Variants in SLC25A26 observed in about 807,000 individuals in gnomAD.
SLC25A26 encodes the protein mitochondrial S-adenosylmethionine carrier protein.
In SLC25A26, 36 loss-of-function variants were observed where a neutral mutation model predicts 37.8. That is an observed-to-expected ratio of 0.95 (90% confidence interval 0.73 to 1.26). The LOEUF (loss-of-function observed/expected upper bound fraction) is 1.26. Among genes scored for constraint, SLC25A26 ranks in the 50% most tolerant of loss-of-function variants. The probability of loss-of-function intolerance (pLI) is 0.00; values close to 1 mark genes in which losing one functional copy is unlikely to be tolerated. For synonymous variants in SLC25A26, 129 were observed against 122.5 expected (o/e 1.05, Z -0.35); for missense variants, 390 against 331.1 (o/e 1.18, Z -1.38).
chr3:66,200,181 G>A (rs1034939961), intron 1 of SLC25A26, among the ~76,000 whole-genome samples: 10 of 152,150 alleles, frequency 6.6e-5, no homozygotes, highest in South Asian at 2.1e-4. Flanking sequence ...TATGGCAGTC[G>A]ATGAATTAGA....
intron 1 of SLC25A26, among the ~76,000 whole-genome samples, chr3:66,202,152 C>T (rs2071119453): frequency 6.6e-6 from 1 of 152,028 alleles, no homozygotes. Flanking sequence ...GAAAATGTGG[C>T]ATATATATAC....
intron 1 of SLC25A26, among the ~76,000 whole-genome samples, chr3:66,192,299 G>A (rs2070959055): frequency 2.3e-5 from 3 of 128,438 alleles, no homozygotes; most frequent in African/African-American, 9.2e-5. Flanking sequence ...CTAGGCAACA[G>A]AGCAAGACTC....
intron 5 of SLC25A26, among the ~76,000 whole-genome samples, chr3:66,292,337 G>T (rs1031412057): frequency 6.6e-6 from 1 of 152,128 alleles, no homozygotes; most frequent in Non-Finnish European, 1.5e-5. Flanking sequence ...ATGTGATCCT[G>T]TTGTTACGAT....
intron 1 of SLC25A26, among the ~76,000 whole-genome samples, chr3:66,213,021 T>C (rs2071306641): frequency 1.3e-5 from 2 of 152,208 alleles, no homozygotes; most frequent in African/African-American, 4.8e-5. Context: ...TCTTTCCTTC[T>C]ATCCTTTCCT....
chr3:66,248,447 T>A (rs2072943940), intron 3 of SLC25A26, among the ~76,000 whole-genome samples: 1 of 152,232 alleles, frequency 6.6e-6, no homozygotes, highest in Non-Finnish European at 1.5e-5. Flanking sequence ...GATCAAAGGT[T>A]GGGGCAGGTT....
intron 5 of SLC25A26, among the ~76,000 whole-genome samples, chr3:66,334,865 A>G (rs539705191): frequency 4.6e-5 from 7 of 151,830 alleles, no homozygotes; most frequent in Non-Finnish European, 8.8e-5. Flanking sequence ...TTACTGCAGC[A>G]AAGCTAACTG....
rs534756803 is a variant in SLC25A26, at chr3:66,149,153, G to A, written c.-354+15169G>A. Among the ~76,000 whole-genome samples the A allele has an allele frequency of 2.0e-5, 3 of 151,958 alleles. No individual in the cohort carries two copies. The East Asian group carries it at 5.8e-4, about 29-fold the overall frequency. The stretch of plus-strand genomic sequence containing the variant: ...CCATGACCCATTGGGGCCACTCAGA[G>A]TTTTTTTTCCAAGGAGTGACATGGA... On this transcript the variant is annotated intron_variant, in intron 1 of 10. Transcript: ENST00000676754.
At chr3:66,322,476 C>G (rs1339775602) in intron 5 of SLC25A26, among the ~76,000 whole-genome samples, 1 of 152,204 alleles carries the variant, frequency 6.6e-6, no homozygotes, top group African/African-American at 2.4e-5. Context: ...AACCTCTTTT[C>G]AACCACAGAT....
intron 1 of SLC25A26, among the ~76,000 whole-genome samples, chr3:66,224,228 A>G (rs947194553): frequency 2.6e-5 from 4 of 152,226 alleles, no homozygotes; most frequent in Admixed American, 2.0e-4. Context: ...TGGTAGGATT[A>G]CATCGTGTTA....
At chr3:66,165,532 GT>G (rs2070413819) in intron 1 of SLC25A26, among the ~76,000 whole-genome samples, 2 of 152,148 alleles carry the variant, frequency 1.3e-5, no homozygotes, top group African/African-American at 4.8e-5. Context: ...AGGTCTAGGG[GT>G]GGGGGTGATG....
chr3:66,177,580 C>T (rs2070610031), intron 1 of SLC25A26, among the ~76,000 whole-genome samples: 1 of 152,230 alleles, frequency 6.6e-6, no homozygotes, highest in Non-Finnish European at 1.5e-5. Context: ...TATGTAGAGC[C>T]TATGCTGTGG....
intron 5 of SLC25A26, among the ~76,000 whole-genome samples, chr3:66,341,020 C>T (rs2076198293): frequency 6.6e-6 from 1 of 151,986 alleles, no homozygotes. Flanking sequence ...TAAATGGGGA[C>T]AGTTTTACTT....
At chr3:66,309,803 G>A (rs776389181) in intron 5 of SLC25A26, among the ~76,000 whole-genome samples, 7 of 152,246 alleles carry the variant, frequency 4.6e-5, no homozygotes, top group South Asian at 4.1e-4. Context: ...GTGTAGTTGC[G>A]TGGTTTTGAG....
At position 66,283,400 on chromosome 3, in the gene SLC25A26, C is replaced by T. The variant is rs543931739; in HGVS notation, c.453+20021C>T. The stretch of plus-strand genomic sequence containing the variant: ...GGCTCAAGTGATCCTCCTACCTCAG[C>T]TTCCTGAGAAGCTGGGACTATAGAC... On this transcript the variant is annotated intron_variant, in intron 5 of 9. Coordinates refer to ENST00000354883, the MANE Select transcript of SLC25A26 (RefSeq NM_001379210.1). Among the ~76,000 whole-genome samples, 379 of 152,300 alleles carry T rather than the reference C, an allele frequency of 2.5e-3. 1 individual carries two copies. The highest frequency in any genetic ancestry group is 8.9e-3 in the African/African-American group (369 of 41,564).
chr3:66,208,920 A>G (rs1440294479), intron 1 of SLC25A26, among the ~76,000 whole-genome samples: 1 of 130,718 alleles, frequency 7.7e-6, no homozygotes, highest in Non-Finnish European at 1.6e-5. Context: ...ATAAATGTGT[A>G]TATATACATA....
At chr3:66,155,272 G>T (rs2070265554) in intron 1 of SLC25A26, among the ~76,000 whole-genome samples, 1 of 152,234 alleles carries the variant, frequency 6.6e-6, no homozygotes, top group Non-Finnish European at 1.5e-5. Flanking sequence ...TACTTTGGGA[G>T]GCCAAAGCAG....
At position 66,196,566 on chromosome 3, in the gene SLC25A26, A is replaced by G. The variant is rs2071046618; in HGVS notation, c.-353-24176A>G. 1.3e-5 allele frequency among the ~76,000 whole-genome samples: 2 copies of G among 152,216 alleles called. 1 individual carries two copies. Among genetic ancestry groups the G allele is most frequent in the South Asian group, 4.1e-4 (2 of 4,834 alleles). On this transcript the variant is annotated intron_variant, in intron 1 of 10. Transcript: ENST00000676754. ...TGTTAGAAAGTGGAGCTAATTCTAG[A>G]TTAGCTATTTTGTGGATATACAACA...
chr3:66,305,961 T>C (rs1299613053), intron 5 of SLC25A26, among the ~76,000 whole-genome samples: 1 of 152,082 alleles, frequency 6.6e-6, no homozygotes, highest in Admixed American at 6.6e-5. Flanking sequence ...CTCGCCAGCA[T>C]CTATTGTTTC....
At chr3:66,245,009 G>A (rs1370873438) in intron 3 of SLC25A26, among the ~76,000 whole-genome samples, 2 of 151,996 alleles carry the variant, frequency 1.3e-5, no homozygotes, top group Non-Finnish European at 2.9e-5. Context: ...AAACTCTTTT[G>A]TAAATAATTT....
Sources: gnomAD v4.1 joint callset for allele counts (sites outside exome capture counted in the v4.1 genomes callset) on GRCh38, gnomAD v4.1.1 for gene constraint, MANE v1.5 for transcripts, NCBI Gene and HGNC (gene_info 2026-07-23, HGNC 2026-07-21) for gene names.